Variants in PPARG observed in about 807,000 individuals in gnomAD.
PPARG encodes the protein peroxisome proliferator-activated receptor gamma.
A neutral mutation model predicts 39.2 loss-of-function variants in PPARG; 17 were observed. That is an observed-to-expected ratio of 0.43 (90% CI 0.30 to 0.65). The LOEUF is 0.65. Among genes scored for constraint, PPARG ranks in the 30% least tolerant of loss-of-function variants. The pLI is 0.13. For synonymous variants in PPARG, 223 were observed against 215.7 expected, an observed-to-expected ratio of 1.03 and a Z score of -0.30; for missense variants, 406 against 585.9, an observed-to-expected ratio of 0.69 and a Z score of 3.17.
intron 2 of PPARG, among the ~76,000 whole-genome samples, chr3:12,355,061 T>C (rs926044634): frequency 6.6e-6 from 1 of 152,224 alleles, no homozygotes; most frequent in Non-Finnish European, 1.5e-5. Flanking sequence ...CTCAGAGGCA[T>C]TGAGAAACTT....
At chr3:12,346,136 C>G (rs976844238) in intron 2 of PPARG, among the ~76,000 whole-genome samples, 2 of 152,156 alleles carry the variant, frequency 1.3e-5, no homozygotes, top group African/African-American at 4.8e-5. Flanking sequence ...ACAGGTTAGT[C>G]TCTTTTTCAG....
chr3:12,426,114 A>G (rs4135356), intron 7 of PPARG, among the ~76,000 whole-genome samples: 12,260 of 152,220 alleles, frequency 0.081, 1,625 homozygotes, highest in African/African-American at 0.28. Flanking sequence ...GGGCAGATCA[A>G]AGAAAACATT....
intron 5 of PPARG, among the ~76,000 whole-genome samples, chr3:12,397,384 A>ATTATTG (rs1436074379): frequency 8.6e-5 from 6 of 70,132 alleles, no homozygotes; most frequent in African/African-American, 3.6e-4. Context: ...CCTTTTTATT[A>ATTATTG]TTATTATTAT....
chr3:12,335,201 A>G (rs2047976012), intron 2 of PPARG, among the ~76,000 whole-genome samples: 1 of 152,244 alleles, frequency 6.6e-6, no homozygotes, highest in Non-Finnish European at 1.5e-5. Context: ...CCATCAAAGC[A>G]TGTGTTGCCT....
At chr3:12,287,804 GCCCCCGCCCCCGCCCCCA>G (rs1480174593), upstream of PPARG, 14 of 29,506 alleles carry the variant, frequency 4.7e-4, no homozygotes, top group African/African-American at 1.0e-3. Context: ...CCCCGCCCCC[GCCCCCGCCCCCGCCCCCA>G]CCCCCACCCC....
chr3:12,301,248 C>T (rs1422912917), intron 1 of PPARG, among the ~76,000 whole-genome samples: 2 of 152,174 alleles, frequency 1.3e-5, no homozygotes, highest in Non-Finnish European at 2.9e-5. Context: ...TGTTTGGAGA[C>T]TTTCAATGGC....
chr3:12,348,988 A>G (rs945937327), intron 2 of PPARG, among the ~76,000 whole-genome samples: 1 of 152,210 alleles, frequency 6.6e-6, no homozygotes, highest in Non-Finnish European at 1.5e-5. Context: ...CATGTCTTAT[A>G]AATTCTCTGA....
intron 7 of PPARG, among the ~76,000 whole-genome samples, chr3:12,433,509 G>A (rs900444517): frequency 4.7e-5 from 7 of 147,496 alleles, no homozygotes; most frequent in Non-Finnish European, 1.0e-4. Context: ...CTGCACTCCA[G>A]CCTGGATGAC....
chr3:12,382,658 C>T (rs2049721262), intron 4 of PPARG, among the ~76,000 whole-genome samples: 1 of 152,114 alleles, frequency 6.6e-6, no homozygotes, highest in Non-Finnish European at 1.5e-5. Flanking sequence ...CCACATCCTA[C>T]CCAGGTTTTC....
intron 2 of PPARG, among the ~76,000 whole-genome samples, chr3:12,379,068 G>T (rs1322346161): frequency 3.9e-5 from 6 of 151,936 alleles, no homozygotes; most frequent in Admixed American, 3.9e-4. Flanking sequence ...GTGCAGTGGT[G>T]TGATCTCACC....
intron 4 of PPARG, among the ~76,000 whole-genome samples, chr3:12,383,616 G>C (rs1386023583): frequency 6.6e-6 from 1 of 152,096 alleles, no homozygotes; most frequent in African/African-American, 2.4e-5. Context: ...TTGGTTTAAG[G>C]TTCCACAATA....
intron 1 of PPARG, among the ~76,000 whole-genome samples, chr3:12,299,310 G>A (rs1213445846): frequency 6.6e-6 from 1 of 152,094 alleles, no homozygotes; most frequent in East Asian, 1.9e-4. Flanking sequence ...GGGAATGACG[G>A]TGACTAAGAG....
chr3:12,294,220 T>C (rs2046721040), intron 1 of PPARG, among the ~76,000 whole-genome samples: 1 of 152,216 alleles, frequency 6.6e-6, no homozygotes, highest in African/African-American at 2.4e-5. Context: ...GGAATAGCAG[T>C]GATAGGAAAA....
At chr3:12,410,265 G>C (rs1296526010) in intron 6 of PPARG, among the ~76,000 whole-genome samples, 1 of 152,186 alleles carries the variant, frequency 6.6e-6, no homozygotes, top group East Asian at 1.9e-4. Flanking sequence ...GCATATGCCA[G>C]AACTAGGTGC....
At chr3:12,415,942 A>G (rs4135286) in intron 6 of PPARG, among the ~76,000 whole-genome samples, 26,906 of 152,294 alleles carry the variant, frequency 0.18, 3,231 homozygotes, top group East Asian at 0.49. Context: ...TTAAGAAAAA[A>G]AAATTTTTTT....
intron 2 of PPARG, among the ~76,000 whole-genome samples, chr3:12,318,987 T>A (rs2047466258): frequency 6.6e-6 from 1 of 152,174 alleles, no homozygotes; most frequent in Non-Finnish European, 1.5e-5. Context: ...ACATAGGAAA[T>A]TTAGTGACGT....
At chr3:12,390,329 A>G (rs1262714788) in intron 4 of PPARG, among the ~76,000 whole-genome samples, 3 of 152,196 alleles carry the variant, frequency 2.0e-5, no homozygotes, top group Non-Finnish European at 4.4e-5. Flanking sequence ...AAACATATTT[A>G]CAGGAATATT....
intron 2 of PPARG, among the ~76,000 whole-genome samples, chr3:12,378,008 T>C (rs998567059): frequency 1.3e-5 from 2 of 152,076 alleles, no homozygotes; most frequent in Non-Finnish European, 2.9e-5. Flanking sequence ...CCAACAGATA[T>C]ATGAAAAGGT....
chr3:12,396,584 C>G (rs2050268135), intron 5 of PPARG, among the ~76,000 whole-genome samples: 1 of 152,076 alleles, frequency 6.6e-6, no homozygotes, highest in South Asian at 2.1e-4. Flanking sequence ...TGACAAGACT[C>G]CATATCTACT....
Sources: allele counts gnomAD v4.1 joint callset (sites outside exome capture counted in the v4.1 genomes callset), GRCh38; gene constraint gnomAD v4.1.1; transcripts MANE v1.5; gene names NCBI Gene and HGNC (gene_info 2026-07-23, HGNC 2026-07-21).